Variants in DMD observed in about 807,000 individuals in gnomAD.
DMD encodes the protein dystrophin.
In DMD, 63 loss-of-function variants were observed where a neutral mutation model predicts 330.1. The observed-to-expected ratio is 0.19, with a 90% CI of 0.16 to 0.24. DMD has a LOEUF of 0.24. Ranked by LOEUF, DMD falls within the 10% of genes least tolerant of loss-of-function variation. The pLI is 1.00. For synonymous variants in DMD, 1,223 were observed against 959.8 expected, an observed-to-expected ratio of 1.27 and a Z score of -5.07; for missense variants, 3,344 against 2,684.1, an observed-to-expected ratio of 1.25 and a Z score of -5.43.
chrX:32,220,545 C>T (rs1019155980), intron 43 of DMD, among the ~76,000 whole-genome samples: 3 of 111,117 alleles, frequency 2.7e-5, no homozygotes, highest in South Asian at 3.8e-4. Flanking sequence ...CTGTTAATAG[C>T]ACAGTCTAAA....
intron 61 of DMD, among the ~76,000 whole-genome samples, chrX:31,329,396 T>C (rs904600581): frequency 5.4e-5 from 6 of 111,236 alleles, no homozygotes; most frequent in African/African-American, 2.0e-4. Flanking sequence ...TTGGTGACAA[T>C]GTGGATGGGC....
At chrX:32,745,483 G>A (rs2069865806) in intron 7 of DMD, among the ~76,000 whole-genome samples, 1 of 111,930 alleles carries the variant, frequency 8.9e-6, no homozygotes, top group Admixed American at 9.5e-5. Flanking sequence ...TAGGAATGAT[G>A]GTTTCACAGA....
chrX:32,397,545 A>C (rs16998285), intron 30 of DMD, among the ~76,000 whole-genome samples: 1 of 111,547 alleles, frequency 9.0e-6, no homozygotes, highest in Non-Finnish European at 1.9e-5. Flanking sequence ...ATTCCATTAT[A>C]AAAAAGGCAT....
intron 25 of DMD, among the ~76,000 whole-genome samples, chrX:32,457,495 G>A: frequency 9.0e-6 from 1 of 110,762 alleles, no homozygotes; most frequent in Non-Finnish European, 1.9e-5. Context: ...GGAGGTAGAG[G>A]GCTGTTCATT....
At chrX:31,925,450 G>A (rs918111405) in intron 47 of DMD, among the ~76,000 whole-genome samples, 24 of 111,560 alleles carry the variant, frequency 2.2e-4, no homozygotes, top group Non-Finnish European at 4.3e-4. Flanking sequence ...AATGAGGAAA[G>A]GGGACACAAA....
At chrX:32,485,802 GACGCGATCTTGGCCAA>G (rs2042398998) in intron 20 of DMD, among the ~76,000 whole-genome samples, 3 of 89,925 alleles carry the variant, frequency 3.3e-5, no homozygotes, top group Non-Finnish European at 6.2e-5. Context: ...GGAGTGCAAT[GACGCGATCTTGGCCAA>G]ATGCAACCTT....
chrX:31,522,361 C>CTATATATA (rs1454794019), intron 55 of DMD, among the ~76,000 whole-genome samples: 15 of 50,228 alleles, frequency 3.0e-4, no homozygotes, highest in South Asian at 1.1e-3. Flanking sequence ...CTCTCTCTCT[C>CTATATATA]TCTATATATA....
chrX:33,056,859 T>A (rs12010133), intron 1 of DMD, among the ~76,000 whole-genome samples: 123 of 110,793 alleles, frequency 1.1e-3, no homozygotes, highest in African/African-American at 3.8e-3. Flanking sequence ...TATCATGGAG[T>A]CTGTGACAGA....
At chrX:31,148,149 A>G (rs1602154597) in intron 74 of DMD, among the ~76,000 whole-genome samples, 1 of 111,926 alleles carries the variant, frequency 8.9e-6, no homozygotes, top group East Asian at 2.8e-4. Flanking sequence ...GCCCAGTGTT[A>G]CCATGAATGT....
chrX:32,345,225 A>C (rs2097759910), intron 39 of DMD, among the ~76,000 whole-genome samples: 1 of 111,418 alleles, frequency 9.0e-6, no homozygotes, highest in Non-Finnish European at 1.9e-5. Context: ...TATACAAAAA[A>C]AAAGTTTCAC....
chrX:33,080,852 G>A (rs1398121079), intron 1 of DMD, among the ~76,000 whole-genome samples: 2 of 111,042 alleles, frequency 1.8e-5, no homozygotes, highest in African/African-American at 3.3e-5. Context: ...TGTCTTTATT[G>A]CCAAAAGATT....
chrX:32,152,711 T>C (rs1187425538), intron 44 of DMD, among the ~76,000 whole-genome samples: 1 of 111,944 alleles, frequency 8.9e-6, no homozygotes, highest in Non-Finnish European at 1.9e-5. Flanking sequence ...GAAAAATCCA[T>C]GAATATTGAA....
At chrX:31,465,138 A>C (rs2149184000) in intron 59 of DMD, among the ~76,000 whole-genome samples, 1 of 112,219 alleles carries the variant, frequency 8.9e-6, no homozygotes, top group African/African-American at 3.2e-5. Context: ...GTAACTAAGT[A>C]ATAAGCTCTC....
At chrX:32,798,498 T>C (rs2076330504) in intron 7 of DMD, among the ~76,000 whole-genome samples, 1 of 112,408 alleles carries the variant, frequency 8.9e-6, no homozygotes, top group Admixed American at 9.4e-5. Flanking sequence ...GAAGAGGAAA[T>C]TGCTACAATA....
chrX:31,376,783 A>C lies in DMD; in HGVS notation c.9085-28149T>G, dbSNP rs755866586. Among the ~76,000 whole-genome samples, 3 of 112,153 alleles carry C rather than the reference A, an allele frequency of 2.7e-5. No homozygotes were observed. In the Admixed American group the frequency reaches 2.8e-4, roughly 11 times the overall value. On this transcript the variant is annotated intron_variant, in intron 60 of 78. Coordinates refer to ENST00000357033, the MANE Select transcript of DMD (RefSeq NM_004006.3). Reference sequence around the variant, plus strand: ...AGCCAGTGGTTGTTTCTTCTGTCCTAGTTTTAAGCAGCTTTCCTAGTGAGG... The same window carrying C: ...AGCCAGTGGTTGTTTCTTCTGTCCTCGTTTTAAGCAGCTTTCCTAGTGAGG...
intron 22 of DMD, among the ~76,000 whole-genome samples, chrX:32,470,518 T>A (rs990009858): frequency 9.0e-6 from 1 of 111,482 alleles, no homozygotes; most frequent in Non-Finnish European, 1.9e-5. Context: ...TTCTTTCCTA[T>A]CTTTTTCAGT....
chrX:31,258,149 A>G (rs2050154869), intron 63 of DMD, among the ~76,000 whole-genome samples: 2 of 112,342 alleles, frequency 1.8e-5, no homozygotes, highest in African/African-American at 6.5e-5. Flanking sequence ...AATATACTTT[A>G]CCTAGTAAAT....
intron 1 of DMD, among the ~76,000 whole-genome samples, chrX:33,180,997 CT>C (rs1031685553): frequency 8.3e-5 from 9 of 108,877 alleles, no homozygotes; most frequent in African/African-American, 1.0e-4. Context: ...GCAAAGGAAA[CT>C]TTTTTTTTTC....
At chrX:31,541,644 C>T (rs1319352489) in intron 55 of DMD, among the ~76,000 whole-genome samples, 1 of 110,214 alleles carries the variant, frequency 9.1e-6, no homozygotes, top group Non-Finnish European at 1.9e-5. Context: ...CAGCTTCATC[C>T]ACGTCCCTAC....
Sources: gnomAD v4.1 joint callset for allele counts (sites outside exome capture counted in the v4.1 genomes callset) on GRCh38, gnomAD v4.1.1 for gene constraint, MANE v1.5 for transcripts, NCBI Gene and HGNC (gene_info 2026-07-23, HGNC 2026-07-21) for gene names.